Variants in CHST9 observed in about 807,000 individuals in gnomAD.
The protein encoded by CHST9 is carbohydrate sulfotransferase 9, also known as GalNAc-4-sulfotransferase 2.
In CHST9, 41 loss-of-function variants were observed where a neutral mutation model predicts 44.4. The observed-to-expected ratio is 0.92, with a 90% CI of 0.72 to 1.20. The LOEUF is 1.20. Among genes scored for constraint, CHST9 ranks in the 50% most tolerant of loss-of-function variants. The pLI, the probability that CHST9 is intolerant of heterozygous loss-of-function variation, is 0.00. For synonymous variants in CHST9, 171 were observed against 178.4 expected (o/e 0.96, Z 0.33); for missense variants, 504 against 516.5 (o/e 0.98, Z 0.23).
intron 2 of CHST9, among the ~76,000 whole-genome samples, chr18:27,122,810 A>G (rs965239673): frequency 6.6e-6 from 1 of 152,230 alleles, no homozygotes; most frequent in African/African-American, 2.4e-5. Context: ...AGAAACACAT[A>G]TGAACCTAAT....
At chr18:27,148,300 AC>A (rs1327813058) in intron 1 of CHST9, among the ~76,000 whole-genome samples, 5 of 151,300 alleles carry the variant, frequency 3.3e-5, no homozygotes, top group African/African-American at 1.2e-4. Context: ...GTACATGTGC[AC>A]AACATGCAGG....
chr18:26,994,523 T>C (rs900931698), intron 4 of CHST9, among the ~76,000 whole-genome samples: 7 of 152,162 alleles, frequency 4.6e-5, no homozygotes, highest in Non-Finnish European at 7.3e-5. Flanking sequence ...CTCTCAGTGG[T>C]CTGCACCTCC....
chr18:26,969,754 T>C (rs2056517906), intron 4 of CHST9, among the ~76,000 whole-genome samples: 1 of 152,158 alleles, frequency 6.6e-6, no homozygotes. Context: ...GTATTTTAGA[T>C]AAGTTATTTG....
chr18:27,070,691 C>CCCT (rs5823535), intron 2 of CHST9, among the ~76,000 whole-genome samples: 1 of 151,926 alleles, frequency 6.6e-6, no homozygotes, highest in African/African-American at 2.4e-5. Flanking sequence ...ATGTCACCCC[C>CCCT]GTTAGAGGTA....
chr18:27,053,264 GA>G (rs1456257807), intron 2 of CHST9, among the ~76,000 whole-genome samples: 2 of 108,380 alleles, frequency 1.8e-5, no homozygotes, highest in African/African-American at 7.1e-5. Flanking sequence ...AGAAGAAGGA[GA>G]AGGAGAAGGA....
chr18:27,157,170 G>A (rs931655492), intron 1 of CHST9, among the ~76,000 whole-genome samples: 1 of 151,990 alleles, frequency 6.6e-6, no homozygotes, highest in Admixed American at 6.6e-5. Flanking sequence ...TTAATGATTA[G>A]CAGTCAATAC....
intron 2 of CHST9, among the ~76,000 whole-genome samples, chr18:27,060,687 T>A (rs1225546972): frequency 1.3e-5 from 2 of 152,222 alleles, no homozygotes; most frequent in Non-Finnish European, 2.9e-5. Flanking sequence ...TCTACTCTGG[T>A]ACCCAACCCT....
At chr18:27,101,159 ATT>A (rs2058167201) in intron 2 of CHST9, among the ~76,000 whole-genome samples, 2 of 152,154 alleles carry the variant, frequency 1.3e-5, no homozygotes, top group Admixed American at 1.3e-4. Flanking sequence ...AATATAATTG[ATT>A]TTCTTTGTTG....
At chr18:26,993,410 AACT>A (rs1383138908) in intron 4 of CHST9, among the ~76,000 whole-genome samples, 1 of 152,166 alleles carries the variant, frequency 6.6e-6, no homozygotes, top group Non-Finnish European at 1.5e-5. Flanking sequence ...GGTATTAGTA[AACT>A]AATGTTGATG....
At chr18:27,048,393 T>C in intron 3 of CHST9, 72 bp downstream of exon 3, 2 of 1,222,218 alleles carry the variant, frequency 1.6e-6, no homozygotes, top group Middle Eastern at 2.4e-4. Flanking sequence ...TTTTGAATAA[T>C]AAATTTTAAA....
At position 26,915,578 on chromosome 18, in the gene CHST9, AG is replaced by A. The variant is rs1205999685; in HGVS notation, c.*680del. ...TTTGTCTCTTTGTGGAAGGCTCAAAAGAAAACAGAATCAATTCCCTTAAGTT... is the reference window on the plus strand; with the variant it reads ...TTTGTCTCTTTGTGGAAGGCTCAAAAAAAACAGAATCAATTCCCTTAAGTT... On this transcript the variant is annotated 3_prime_UTR_variant, in exon 6 of 6. Coordinates refer to ENST00000618847, the MANE Select transcript of CHST9 (RefSeq NM_031422.6). 1 of 152,184 alleles carries A rather than the reference AG, an allele frequency of 6.6e-6. No individual in the cohort carries two copies. The highest frequency in any genetic ancestry group is 2.4e-5 in the African/African-American group (1 of 41,466). The allele number at this position is 152,184 out of a possible 1,614,324, so 9.4% of individuals were successfully genotyped here.
chr18:27,096,168 C>T (rs1284366865), intron 2 of CHST9, among the ~76,000 whole-genome samples: 2 of 152,058 alleles, frequency 1.3e-5, no homozygotes, highest in Non-Finnish European at 2.9e-5. Flanking sequence ...AATTAAACAA[C>T]TTGCTCTTGA....
rs1295531715 is a variant in CHST9 at position 26,912,372 on chromosome 18, AATACACACACACACACAC to A, written c.*3869_*3886del. 6.8e-6 allele frequency: 1 copy of A among 146,204 alleles called. No individual in the cohort carries two copies. Among genetic ancestry groups the A allele is most frequent in the African/African-American group, 2.5e-5 (1 of 39,322 alleles). The allele number at this position is 146,204 out of a possible 1,614,324, so 9.1% of individuals were successfully genotyped here. ...TTGAAATGTGATAACTAACTAGCTAAATACACACACACACACACACACACACACACACACACACACAGA... is the reference window on the plus strand; with the variant it reads ...TTGAAATGTGATAACTAACTAGCTAAACACACACACACACACACACACAGA... On this transcript the variant is annotated 3_prime_UTR_variant, in exon 6 of 6. Coordinates refer to ENST00000618847, the MANE Select transcript of CHST9 (RefSeq NM_031422.6).
chr18:27,144,695 A>G (rs1177093205), intron 1 of CHST9, among the ~76,000 whole-genome samples: 1 of 152,142 alleles, frequency 6.6e-6, no homozygotes, highest in Non-Finnish European at 1.5e-5. Context: ...TCTCAAATAA[A>G]TAGATAAATA....
At chr18:26,996,585 T>G (rs2056890406) in intron 4 of CHST9, among the ~76,000 whole-genome samples, 1 of 152,176 alleles carries the variant, frequency 6.6e-6, no homozygotes, top group South Asian at 2.1e-4. Flanking sequence ...CAAACTCCAT[T>G]GGCTGGAGAG....
chr18:27,029,002 T>A (rs1202520829), intron 3 of CHST9, among the ~76,000 whole-genome samples: 1 of 152,058 alleles, frequency 6.6e-6, no homozygotes, highest in Middle Eastern at 3.2e-3. Flanking sequence ...AAACTAGTGG[T>A]GGAACTAGAA....
chr18:27,034,089 T>C (rs2057367494), intron 3 of CHST9, among the ~76,000 whole-genome samples: 1 of 152,244 alleles, frequency 6.6e-6, no homozygotes, highest in Admixed American at 6.5e-5. Flanking sequence ...GCATCATTGC[T>C]TTGGTAGCTA....
chr18:27,129,121 T>G (rs2058450411), intron 2 of CHST9, among the ~76,000 whole-genome samples: 1 of 151,440 alleles, frequency 6.6e-6, no homozygotes, highest in Admixed American at 6.5e-5. Context: ...TCTGTTGGAT[T>G]AGCACACACA....
At chr18:27,100,920 G>T (rs1348683830) in intron 2 of CHST9, among the ~76,000 whole-genome samples, 5 of 152,160 alleles carry the variant, frequency 3.3e-5, no homozygotes, top group Non-Finnish European at 4.4e-5. Context: ...TTTCCTATTG[G>T]TTGGGACAGA....
Sources: gnomAD v4.1 joint callset for allele counts (sites outside exome capture counted in the v4.1 genomes callset) on GRCh38, gnomAD v4.1.1 for gene constraint, MANE v1.5 for transcripts, NCBI Gene and HGNC (gene_info 2026-07-23, HGNC 2026-07-21) for gene names.